Variants in CYB561A3 observed in about 807,000 individuals in gnomAD.
CYB561A3 encodes the protein lysosomal membrane ascorbate-dependent ferrireductase CYB561A3.
Under a neutral mutation model 25.3 loss-of-function variants are expected in CYB561A3, and 16 were observed. The ratio of observed to expected loss-of-function variants is 0.63; its 90% CI spans 0.43 to 0.96. The LOEUF is 0.96. Ranked by LOEUF, CYB561A3 falls within the 40% of genes least tolerant of loss-of-function variation. The pLI, the probability that CYB561A3 is intolerant of heterozygous loss-of-function variation, is 0.00. For missense variants in CYB561A3, 219 were observed against 307.5 expected, an observed-to-expected ratio of 0.71 and a Z score of 2.15; for synonymous variants, 131 against 129.9, an observed-to-expected ratio of 1.01 and a Z score of -0.06.
intron 3 of CYB561A3, among the ~76,000 whole-genome samples, chr11:61,355,086 T>C (rs1238173591): frequency 2.6e-5 from 4 of 151,956 alleles, no homozygotes; most frequent in African/African-American, 9.7e-5. Flanking sequence ...GCGAGGATGG[T>C]CTCGATCCCC....
intron 3 of CYB561A3, among the ~76,000 whole-genome samples, chr11:61,355,750 T>G (rs948519378): frequency 2.7e-5 from 4 of 150,848 alleles, no homozygotes; most frequent in Non-Finnish European, 5.9e-5. Flanking sequence ...GTGGCCTGAC[T>G]AAACCATGAG....
intron 6 of CYB561A3, 179 bp from the exon 7 acceptor site, chr11:61,350,601 A>G: frequency 1.4e-6 from 1 of 727,244 alleles, no homozygotes. Context: ...CATCCCATCA[A>G]GACCTGCTCT....
intron 3 of CYB561A3, chr11:61,354,860 CCTTT>C (rs1449168615): frequency 6.4e-5 from 3 of 46,848 alleles, no homozygotes; most frequent in South Asian, 8.0e-4. Context: ...TTTGGCCTCT[CCTTT>C]CTTTTTTTTT....
intron 2 of CYB561A3, chr11:61,357,315 G>A: frequency 1.5e-6 from 2 of 1,313,296 alleles, no homozygotes; most frequent in African/African-American, 1.5e-5. Flanking sequence ...TCCACACCTT[G>A]AACCAGCTGA....
Position 61,353,989 on chromosome 11 carries a change from G to A in CYB561A3, c.188C>T (p.Ser63Leu), listed in dbSNP as rs766138516. ...CGACTGGGGCAGGCGGTACACCAGT[G>A]ACGCTGCAGGAGAGAGTAGTGCCAG... is the stretch of plus-strand genomic sequence containing the variant. ...AGMVVFYGGA[S>L]LVYRLPQSWV... The change falls in exon 4 of 7, where the codon TCA (serine) becomes TTA (leucine). Residue 63 changes from serine to leucine, a missense_variant. Coordinates refer to ENST00000294072, the MANE Select transcript of CYB561A3 (RefSeq NM_153611.6). 1 of 1,614,102 alleles carries A rather than the reference G, an allele frequency of 6.2e-7. No individual in the cohort carries two copies.
chr11:61,356,654 G>A lies in CYB561A3; in HGVS notation c.60C>T (p.Cys20=). Residue 20 remains cysteine, a synonymous_variant, in exon 3 of 7, where the codon TGC becomes TGT. Coordinates refer to ENST00000294072, the MANE Select transcript of CYB561A3 (RefSeq NM_153611.6). ...CLLLGSLGSM[C]ILFTIYWMQY... ...GCATCCAGTAGATAGTGAAGAGGAT[G>A]CACATAGAGCCCAGGGACCCCAGCA... 6.2e-7 allele frequency: 1 copy of A among 1,614,222 alleles called. No homozygotes were observed. The highest frequency in any genetic ancestry group is 2.2e-5 in the East Asian group (1 of 44,884).
intron 6 of CYB561A3, 73 bp downstream of exon 6, chr11:61,350,918 C>T: frequency 6.5e-7 from 1 of 1,526,802 alleles, no homozygotes; most frequent in Non-Finnish European, 8.8e-7. Context: ...TGTCAAGGCC[C>T]CAGCCTTTCG....
At chr11:61,354,201 G>A (rs750063946) in intron 3 of CYB561A3, 3 of 614,602 alleles carry the variant, frequency 4.9e-6, no homozygotes, top group Admixed American at 3.0e-5. Context: ...GTTAAAAAGG[G>A]AGGAGTGGTC....
intron 5 of CYB561A3, chr11:61,352,758 G>A: frequency 3.7e-6 from 5 of 1,368,212 alleles, no homozygotes; most frequent in Non-Finnish European, 4.8e-6. Context: ...GCTTAGTACT[G>A]TTTCTGACAC....
At chr11:61,350,829 G>T (rs145346084) in intron 6 of CYB561A3, 162 bp downstream of exon 6, 3 of 1,011,438 alleles carry the variant, frequency 3.0e-6, no homozygotes, top group South Asian at 1.8e-5. Flanking sequence ...GCTGGTTTGG[G>T]ACCAGTGCTC....
intron 3 of CYB561A3, 187 bp from the exon 4 acceptor site, chr11:61,354,179 A>C: frequency 1.5e-6 from 1 of 648,138 alleles, no homozygotes; most frequent in Non-Finnish European, 2.6e-6. Context: ...TGAAGGGAGG[A>C]GAGAAGGGCC....
chr11:61,353,123 G>A lies in CYB561A3; in HGVS notation c.410C>T (p.Ala137Val). 1 of 1,609,512 alleles carries A rather than the reference G, an allele frequency of 6.2e-7. No homozygotes were observed. Among genetic ancestry groups the A allele is most frequent in the Non-Finnish European group, 8.5e-7 (1 of 1,178,114 alleles). ...GGACGCCCAGGGCAGGAGGAAGACAGCAAAGCCCAGGAACCACTGTGGACA... is the reference window on the plus strand; with the variant it reads ...GGACGCCCAGGGCAGGAGGAAGACAACAAAGCCCAGGAACCACTGTGGACA... ...LFACQWFLGF[A>V]VFLLPWASMW... Residue 137 changes from alanine (A) to valine (V), a missense_variant, in exon 5 of 7, where the codon GCT becomes GTT. Physicochemically the swap from Ala to Val is moderately conservative, Grantham distance 64. Transcript: ENST00000294072.
chr11:61,352,125 C>A (rs780764604), intron 5 of CYB561A3: 1 of 152,178 alleles, frequency 6.6e-6, no homozygotes, highest in African/African-American at 2.4e-5. Flanking sequence ...CAGCCAAGAT[C>A]GAAACCAAGG....
At chr11:61,356,307 T>G in intron 3 of CYB561A3, 1 of 576,118 alleles carries the variant, frequency 1.7e-6, no homozygotes. Context: ...TATAGAAAGT[T>G]TGCCAACTCC....
rs1192242398 is a variant in CYB561A3 at position 61,357,237 on chromosome 11, A to G, written c.-16+496T>C. The G allele has an allele frequency of 1.9e-6, 3 of 1,551,346 alleles. No individual in the cohort carries two copies. The Admixed American group carries it at 5.9e-5, about 30-fold the overall frequency. Reference sequence around the variant, plus strand: ...GAAGGAGTCAGAAAAGTTCTTCCCCATAGAGTAAGCTCTATGGGGCTAATC... The same window carrying G: ...GAAGGAGTCAGAAAAGTTCTTCCCCGTAGAGTAAGCTCTATGGGGCTAATC... On this transcript the variant is annotated intron_variant, in intron 2 of 6. Coordinates refer to ENST00000294072, the MANE Select transcript of CYB561A3 (RefSeq NM_153611.6).
At position 61,355,304 on chromosome 11, in the gene CYB561A3, T is replaced by C. The variant is rs150900248; in HGVS notation, c.184+1226A>G. 1.2e-4 allele frequency among the ~76,000 whole-genome samples: 18 copies of C among 152,248 alleles called. No individual in the cohort carries two copies. The East Asian group carries it at 3.5e-3, about 29-fold the overall frequency. Reference sequence around the variant, plus strand: ...TAAGCTGCTATCATCAATGGCATCGTATTGCCATTTTACAAATGGGGAAAA... The same window carrying C: ...TAAGCTGCTATCATCAATGGCATCGCATTGCCATTTTACAAATGGGGAAAA... On this transcript the variant is annotated intron_variant, in intron 3 of 6. Transcript: ENST00000294072.
intron 3 of CYB561A3, among the ~76,000 whole-genome samples, chr11:61,355,135 T>A (rs894254387): frequency 1.3e-5 from 2 of 152,048 alleles, no homozygotes; most frequent in African/African-American, 4.8e-5. Context: ...CCCAAAGTGC[T>A]GGGATTACAG....
At chr11:61,356,416 C>A in intron 3 of CYB561A3, 114 bp downstream of exon 3, 7 of 602,424 alleles carry the variant, frequency 1.2e-5, no homozygotes, top group Non-Finnish European at 1.3e-5. Flanking sequence ...GCCCAACCCA[C>A]CCTACCCCCA....
intron 3 of CYB561A3, chr11:61,354,197 A>C: frequency 1.6e-6 from 1 of 611,552 alleles, no homozygotes; most frequent in Non-Finnish European, 2.8e-6. Context: ...GCCAGTTAAA[A>C]AGGGAGGAGT....
Sources: allele counts gnomAD v4.1 joint callset (sites outside exome capture counted in the v4.1 genomes callset), GRCh38; gene constraint gnomAD v4.1.1; transcripts MANE v1.5; gene names NCBI Gene and HGNC (gene_info 2026-07-23, HGNC 2026-07-21).